The following MAN2A1 variants were observed in gnomAD, a reference collection of about 807,000 sequenced individuals.
MAN2A1 encodes mannosidase alpha class 2A member 1, also known as alpha-mannosidase 2.
Under a neutral mutation model 142.6 loss-of-function variants are expected in MAN2A1, and 76 were observed. That is an observed-to-expected ratio of 0.53 (90% CI 0.44 to 0.65). The LOEUF (loss-of-function observed/expected upper bound fraction) is 0.65. Ranked by LOEUF, MAN2A1 falls within the 30% of genes least tolerant of loss-of-function variation. The pLI is 0.00. For synonymous variants in MAN2A1, 559 were observed against 473.2 expected (o/e 1.18, Z -2.35); for missense variants, 1,311 against 1,365.1 (o/e 0.96, Z 0.62).
At chr5:109,835,153 A>G (rs1755025469) in intron 16 of MAN2A1, among the ~76,000 whole-genome samples, 2 of 152,238 alleles carry the variant, frequency 1.3e-5, no homozygotes, top group African/African-American at 2.4e-5. Context: ...GTTTACAAAA[A>G]CATCACTAAA....
chr5:109,775,031 A>G, intron 8 of MAN2A1, 66 bp downstream of exon 8: 1 of 1,095,926 alleles, frequency 9.1e-7, no homozygotes, highest in Non-Finnish European at 1.3e-6. Flanking sequence ...GAGACTATAA[A>G]CAGAAATCCT....
At chr5:109,782,982 T>C (rs988935686) in intron 9 of MAN2A1, among the ~76,000 whole-genome samples, 3 of 152,062 alleles carry the variant, frequency 2.0e-5, no homozygotes, top group Non-Finnish European at 4.4e-5. Context: ...TTTAAAATAA[T>C]GTTTACATAT....
intron 4 of MAN2A1, among the ~76,000 whole-genome samples, chr5:109,751,706 A>G (rs998434232): frequency 6.6e-6 from 1 of 152,054 alleles, no homozygotes; most frequent in African/African-American, 2.4e-5. Context: ...AATGGCTTAC[A>G]CCAACTGGAA....
chr5:109,740,487 C>T (rs1752236622), intron 4 of MAN2A1, among the ~76,000 whole-genome samples: 1 of 151,864 alleles, frequency 6.6e-6, no homozygotes, highest in East Asian at 2.0e-4. Flanking sequence ...GAAACTGGGT[C>T]TGCTGCTGGC....
chr5:109,807,558 G>A (rs1754199217), intron 12 of MAN2A1, among the ~76,000 whole-genome samples: 1 of 152,002 alleles, frequency 6.6e-6, no homozygotes, highest in African/African-American at 2.4e-5. Flanking sequence ...CTTGGCCTGT[G>A]GCCCCTTCCT....
chr5:109,750,109 C>G (rs984421018), intron 4 of MAN2A1, among the ~76,000 whole-genome samples: 1 of 152,002 alleles, frequency 6.6e-6, no homozygotes, highest in African/African-American at 2.4e-5. Context: ...GTAGTTATCA[C>G]TAAATGATGA....
At chr5:109,730,377 C>A (rs1309791444) in intron 4 of MAN2A1, among the ~76,000 whole-genome samples, 1 of 151,792 alleles carries the variant, frequency 6.6e-6, no homozygotes, top group Admixed American at 6.6e-5. Context: ...TTATTTTCAT[C>A]TTTTAGTGTT....
chr5:109,846,079 A>G lies in MAN2A1; in HGVS notation c.2842+73A>G, dbSNP rs143987810. 6.3e-3 allele frequency: 8,650 copies of G among 1,367,472 alleles called. 35 individuals are homozygous for G. The highest frequency in any genetic ancestry group is 7.6e-3 in the Non-Finnish European group (7,758 of 1,015,970). 84.7% of individuals were successfully genotyped at this position (1,367,472 alleles called of 1,614,324 possible). On this transcript the variant is annotated intron_variant, in intron 18 of 21. Transcript: ENST00000261483. ...ACTGTATACTTTTTCTGTTGGTCAGATGTGGTATAATCTCTAGTTAAAACC... is the reference window on the plus strand; with the variant it reads ...ACTGTATACTTTTTCTGTTGGTCAGGTGTGGTATAATCTCTAGTTAAAACC...
intron 4 of MAN2A1, among the ~76,000 whole-genome samples, chr5:109,735,784 A>C (rs773239887): frequency 1.1e-4 from 16 of 152,098 alleles, no homozygotes; most frequent in Non-Finnish European, 1.6e-4. Context: ...TTCGTACTCC[A>C]TCAAAAAAGT....
chr5:109,838,078 A>G (rs1414650981), intron 16 of MAN2A1, among the ~76,000 whole-genome samples: 2 of 151,864 alleles, frequency 1.3e-5, no homozygotes, highest in African/African-American at 4.8e-5. Flanking sequence ...AAAAAATCCT[A>G]GCTCCGGGTG....
chr5:109,839,647 CTCTTTTTTTTT>C (rs1561538056), intron 16 of MAN2A1, among the ~76,000 whole-genome samples: 1 of 131,232 alleles, frequency 7.6e-6, no homozygotes. Context: ...CCCTGTCTCT[CTCTTTTTTTTT>C]TTTTTTTTTT....
At position 109,841,284 on chromosome 5, in the gene MAN2A1, T is replaced by C. The variant is rs186358825; in HGVS notation, c.2567-1044T>C. Among the ~76,000 whole-genome samples the C allele has an allele frequency of 7.8e-3, 1,182 of 152,322 alleles. 7 individuals are homozygous for C. Among genetic ancestry groups the C allele is most frequent in the Non-Finnish European group, 0.013 (873 of 68,032 alleles). Reference sequence around the variant, plus strand: ...ACTGCACTCTATTTGTAGTCTTTTATCCCTCGCCCCCCTCCAACCCTTCCT... The same window carrying C: ...ACTGCACTCTATTTGTAGTCTTTTACCCCTCGCCCCCCTCCAACCCTTCCT... On this transcript the variant is annotated intron_variant, in intron 16 of 21. Coordinates refer to ENST00000261483, the MANE Select transcript of MAN2A1 (RefSeq NM_002372.4).
intron 8 of MAN2A1, among the ~76,000 whole-genome samples, chr5:109,778,180 G>A (rs779671161): frequency 6.6e-6 from 1 of 151,886 alleles, no homozygotes. Flanking sequence ...CCATCTAATC[G>A]ATGAACGTGG....
At chr5:109,699,571 G>T (rs1750914515) in intron 1 of MAN2A1, 1 of 143,782 alleles carries the variant, frequency 7.0e-6, no homozygotes, top group Non-Finnish European at 1.5e-5. Context: ...TGATATACTT[G>T]ATAAATATAT....
At chr5:109,844,893 A>C (rs1257190388) in intron 17 of MAN2A1, among the ~76,000 whole-genome samples, 1 of 152,188 alleles carries the variant, frequency 6.6e-6, no homozygotes, top group African/African-American at 2.4e-5. Context: ...GCTGTATTTC[A>C]AAATAAGATC....
rs575533323 is a variant in MAN2A1 at position 109,774,063 on chromosome 5, G to A, written c.1197-725G>A. Among the ~76,000 whole-genome samples, 6 of 152,214 alleles carry A rather than the reference G, an allele frequency of 3.9e-5. 1 individual carries two copies. In the South Asian group the frequency reaches 1.0e-3, roughly 26 times the overall value. Reference sequence around the variant, plus strand: ...TCTGCAGAATACTATAATAGAATATGAAATACAAAAGCTATTCCATCAAGC... The same window carrying A: ...TCTGCAGAATACTATAATAGAATATAAAATACAAAAGCTATTCCATCAAGC... On this transcript the variant is annotated intron_variant, in intron 7 of 21. Transcript: ENST00000261483.
intron 4 of MAN2A1, among the ~76,000 whole-genome samples, chr5:109,732,841 T>C (rs1339305336): frequency 6.6e-6 from 1 of 151,650 alleles, no homozygotes; most frequent in Non-Finnish European, 1.5e-5. Context: ...GACTTGGCGA[T>C]GCGGGCTCTT....
intron 16 of MAN2A1, among the ~76,000 whole-genome samples, chr5:109,824,663 A>G (rs1754711776): frequency 6.6e-6 from 1 of 152,168 alleles, no homozygotes; most frequent in South Asian, 2.1e-4. Flanking sequence ...ATTTCCCTGA[A>G]TCTTCATACA....
intron 16 of MAN2A1, among the ~76,000 whole-genome samples, chr5:109,832,033 T>C (rs1049036263): frequency 2.0e-5 from 3 of 151,782 alleles, no homozygotes; most frequent in African/African-American, 7.2e-5. Context: ...ATGGATAATG[T>C]ATCCATTGAT....
Sources: gnomAD v4.1 joint callset for allele counts (sites outside exome capture counted in the v4.1 genomes callset) on GRCh38, gnomAD v4.1.1 for gene constraint, MANE v1.5 for transcripts, NCBI Gene and HGNC (gene_info 2026-07-23, HGNC 2026-07-21) for gene names.